TAF4B: variants seen among roughly 807,000 people sequenced by gnomAD.
TAF4B encodes TATA-box binding protein associated factor 4b, also known as transcription initiation factor TFIID subunit 4B.
A neutral mutation model predicts 86.4 loss-of-function variants in TAF4B; 38 were observed. The observed-to-expected ratio is 0.44, with a 90% CI of 0.34 to 0.58. TAF4B has a LOEUF of 0.58. TAF4B is among the 20% of genes least tolerant of loss of function. The pLI is 0.02. For missense variants in TAF4B, 988 were observed against 1,027.6 expected (o/e 0.96, Z 0.53); for synonymous variants, 388 against 391.2 (o/e 0.99, Z 0.10).
rs1178697276 is a variant in TAF4B at position 26,253,897 on chromosome 18, GC to G, written c.344-11266del. 3.3e-5 allele frequency among the ~76,000 whole-genome samples: 3 copies of G among 90,426 alleles called. No homozygotes were observed. In the East Asian group the frequency reaches 9.1e-4, roughly 28 times the overall value. 59.3% of individuals were successfully genotyped at this position (90,426 alleles called of 152,430 possible). ...TAATCCTTATTTGTGTAAAACTTAT[GC>G]CCCCCCACCCCCCCCATTTTATTTT... On this transcript the variant is annotated intron_variant, in intron 1 of 14. Transcript: ENST00000269142.
intron 7 of TAF4B, among the ~76,000 whole-genome samples, chr18:26,291,464 T>G (rs2056591824): frequency 6.6e-6 from 1 of 152,074 alleles, no homozygotes; most frequent in African/African-American, 2.4e-5. Context: ...CCCAGCATTT[T>G]GGGAGGCTGA....
intron 7 of TAF4B, among the ~76,000 whole-genome samples, chr18:26,287,455 AAAG>A (rs2056538767): frequency 6.6e-6 from 1 of 152,126 alleles, no homozygotes; most frequent in Admixed American, 6.6e-5. Context: ...TTCTTGGGTG[AAAG>A]AAGGAAATTT....
chr18:26,390,019 C>T lies in TAF4B; in HGVS notation c.*7C>T. On this transcript the variant is annotated 3_prime_UTR_variant, in exon 15 of 15. Transcript: ENST00000269142. The stretch of plus-strand genomic sequence containing the variant: ...CCTGGCCCTTCTGAAGTGACCACTC[C>T]ACTCTTCCATCCAGATCCTTGCTAT... The T allele has an allele frequency of 6.2e-6, 10 of 1,612,804 alleles. No individual in the cohort carries two copies. Among genetic ancestry groups the T allele is most frequent in the African/African-American group, 1.3e-5 (1 of 75,006 alleles).
At chr18:26,302,685 C>T (rs968601256) in intron 9 of TAF4B, among the ~76,000 whole-genome samples, 4 of 151,908 alleles carry the variant, frequency 2.6e-5, no homozygotes, top group African/African-American at 9.7e-5. Flanking sequence ...TTTTTGTCTT[C>T]AGGAGTTAAA....
intron 10 of TAF4B, among the ~76,000 whole-genome samples, chr18:26,317,931 TC>T (rs1234104422): frequency 2.6e-5 from 4 of 152,206 alleles, no homozygotes; most frequent in African/African-American, 9.6e-5. Context: ...CCGTAAAACT[TC>T]ACTTACAAAG....
At chr18:26,253,192 A>G (rs1053725047) in intron 1 of TAF4B, among the ~76,000 whole-genome samples, 2 of 152,200 alleles carry the variant, frequency 1.3e-5, no homozygotes, top group African/African-American at 2.4e-5. Flanking sequence ...ACTTTCACCA[A>G]AAGTATGATG....
In TAF4B at chr18:26,320,966, C is replaced by G. The variant is rs1598797860; in HGVS notation, c.2003-104C>G. On this transcript the variant is annotated intron_variant, in intron 10 of 14. Transcript: ENST00000269142. ...AAATCATAATCTCCAAACCTTTATT[C>G]ATAATGGGTATGACTTCCAGGGGGA... The G allele has an allele frequency of 2.2e-6, 3 of 1,374,344 alleles. No homozygotes were observed. In the East Asian group the frequency reaches 7.0e-5, roughly 32 times the overall value. The allele number at this position is 1,374,344 out of a possible 1,614,324, so 85.1% of individuals were successfully genotyped here.
chr18:26,358,226 G>T (rs1215733234), intron 14 of TAF4B, among the ~76,000 whole-genome samples: 4 of 152,088 alleles, frequency 2.6e-5, no homozygotes, highest in Non-Finnish European at 5.9e-5. Context: ...GAGTATATGT[G>T]TTTGCATGGC....
chr18:26,323,491 T>C (rs1351505796), intron 11 of TAF4B, among the ~76,000 whole-genome samples: 1 of 149,664 alleles, frequency 6.7e-6, no homozygotes, highest in Non-Finnish European at 1.5e-5. Context: ...TTCCAGTAGC[T>C]AAGACTAACA....
At chr18:26,304,703 C>A (rs753906089) in intron 9 of TAF4B, 6 of 985,070 alleles carry the variant, frequency 6.1e-6, no homozygotes, top group Non-Finnish European at 7.2e-6. Flanking sequence ...CAGTCATTTG[C>A]CCTTGAGGCA....
At chr18:26,242,082 C>A (rs560871807) in intron 1 of TAF4B, among the ~76,000 whole-genome samples, 1 of 152,158 alleles carries the variant, frequency 6.6e-6, no homozygotes, top group Non-Finnish European at 1.5e-5. Context: ...GTGGAGAGTT[C>A]TGTAGATGTC....
At chr18:26,320,090 A>G (rs2056949276) in intron 10 of TAF4B, among the ~76,000 whole-genome samples, 2 of 152,214 alleles carry the variant, frequency 1.3e-5, no homozygotes, top group African/African-American at 4.8e-5. Context: ...ATTGACTTTT[A>G]ATTCAAGCAT....
chr18:26,298,868 T>A (rs1215319702), intron 9 of TAF4B, among the ~76,000 whole-genome samples: 1 of 138,570 alleles, frequency 7.2e-6, no homozygotes, highest in African/African-American at 2.7e-5. Context: ...TTTTTTTTTT[T>A]TTTTTTTTTT....
chr18:26,389,444 T>C (rs868372132), intron 14 of TAF4B, among the ~76,000 whole-genome samples: 56 of 129,776 alleles, frequency 4.3e-4, no homozygotes, highest in African/African-American at 1.2e-3. Flanking sequence ...ATTTGATAGA[T>C]TTTTATGTAT....
chr18:26,315,117 T>C (rs2144664426), intron 9 of TAF4B, 112 bp from the exon 10 acceptor site: 2 of 266,616 alleles, frequency 7.5e-6, no homozygotes, highest in Non-Finnish European at 1.2e-5. Flanking sequence ...TCTCTCTCTC[T>C]CTCTCTCTCT....
At chr18:26,295,347 A>G (rs760330325) in intron 9 of TAF4B, 32 of 191,116 alleles carry the variant, frequency 1.7e-4, no homozygotes, top group Non-Finnish European at 2.6e-4. Flanking sequence ...GGTCCCTAAC[A>G]TTTTTGGCAC....
chr18:26,372,512 T>G (rs2057412574), intron 14 of TAF4B, among the ~76,000 whole-genome samples: 1 of 152,196 alleles, frequency 6.6e-6, no homozygotes, highest in Non-Finnish European at 1.5e-5. Flanking sequence ...TCAGTTTACT[T>G]TTGACTGGCA....
At chr18:26,272,364 C>G (rs1252784443) in intron 3 of TAF4B, among the ~76,000 whole-genome samples, 3 of 152,156 alleles carry the variant, frequency 2.0e-5, no homozygotes, top group African/African-American at 7.2e-5. Flanking sequence ...CTCTGTGTGT[C>G]TCTATTCCTG....
At chr18:26,351,195 A>G (rs1310666468) in intron 13 of TAF4B, among the ~76,000 whole-genome samples, 4 of 152,204 alleles carry the variant, frequency 2.6e-5, no homozygotes, top group Non-Finnish European at 5.9e-5. Flanking sequence ...ATAAAAAAGA[A>G]TGAAATCTTG....
Sources: allele counts gnomAD v4.1 joint callset (sites outside exome capture counted in the v4.1 genomes callset), GRCh38; gene constraint gnomAD v4.1.1; transcripts MANE v1.5; gene names NCBI Gene and HGNC (gene_info 2026-07-23, HGNC 2026-07-21).